GRXCR2: variants seen among roughly 807,000 people sequenced by gnomAD.
The protein encoded by GRXCR2 is glutaredoxin domain-containing cysteine-rich protein 2.
In GRXCR2, 23 loss-of-function variants were observed where a neutral mutation model predicts 24.8. The observed-to-expected ratio is 0.93, with a 90% CI of 0.67 to 1.32. The LOEUF (loss-of-function observed/expected upper bound fraction) is 1.32, where lower values mean the gene tolerates loss of function less well. Among genes scored for constraint, GRXCR2 ranks in the 40% most tolerant of loss-of-function variants. The pLI is 0.00. For synonymous variants in GRXCR2, 130 were observed against 116.1 expected, an observed-to-expected ratio of 1.12 and a Z score of -0.77; for missense variants, 315 against 303.4, an observed-to-expected ratio of 1.04 and a Z score of -0.28.
chr5:145,876,682 C>A (rs1438368051), upstream of GRXCR2, among the ~76,000 whole-genome samples: 2 of 152,098 alleles, frequency 1.3e-5, no homozygotes, highest in Non-Finnish European at 2.9e-5. Flanking sequence ...TTCTTCAACA[C>A]TTTTTTATGC....
chr5:145,878,843 G>T (rs1006453028), intron 2 of GRXCR2, among the ~76,000 whole-genome samples: 1 of 152,186 alleles, frequency 6.6e-6, no homozygotes, highest in Non-Finnish European at 1.5e-5. Flanking sequence ...ACAAACAGTG[G>T]ATCTCTTGGC....
intron 2 of GRXCR2, among the ~76,000 whole-genome samples, chr5:145,921,798 AACCAAG>A (rs1410081326): frequency 2.0e-5 from 3 of 152,298 alleles, no homozygotes; most frequent in Middle Eastern, 3.4e-3. Flanking sequence ...ACATCTCTAA[AACCAAG>A]TAGCAAAGGA....
chr5:145,872,393 T>G (rs1756546058), intron 1 of GRXCR2, among the ~76,000 whole-genome samples: 1 of 152,238 alleles, frequency 6.6e-6, no homozygotes, highest in Non-Finnish European at 1.5e-5. Context: ...TACAATGTAT[T>G]ACCTTGGATG....
chr5:145,894,985 G>C (rs1020151403), intron 2 of GRXCR2, among the ~76,000 whole-genome samples: 1 of 151,986 alleles, frequency 6.6e-6, no homozygotes, highest in Admixed American at 6.6e-5. Flanking sequence ...TTCAACATAC[G>C]CAAATCAATA....
Position 145,872,741 on chromosome 5 carries a change from G to C in GRXCR2, c.228C>G (p.Cys76Trp). 1.2e-6 allele frequency: 2 copies of C among 1,613,690 alleles called. No homozygotes were observed. Among genetic ancestry groups the C allele is most frequent in the Non-Finnish European group, 1.7e-6 (2 of 1,179,578 alleles). Reference sequence around the variant, plus strand: ...TCCTCTGAGCAGTCAGCTTAGGGGAGCACATCTGGGGCCTGGGGACTTCCC... The same window carrying C: ...TCCTCTGAGCAGTCAGCTTAGGGGACCACATCTGGGGCCTGGGGACTTCCC... ...GSGEVPRPQM[C>W]SPKLTAQRIS... The change falls in exon 1 of 3, where the codon TGC becomes TGG. Residue 76 changes from cysteine (C) to tryptophan (W), a missense_variant. Coordinates refer to ENST00000377976, the MANE Select transcript of GRXCR2 (RefSeq NM_001080516.2).
At chr5:145,901,414 T>C (rs1197547830) in intron 2 of GRXCR2, among the ~76,000 whole-genome samples, 1 of 152,242 alleles carries the variant, frequency 6.6e-6, no homozygotes, top group Non-Finnish European at 1.5e-5. Flanking sequence ...TTCATTTATT[T>C]ATACTTTTAG....
At chr5:145,898,966 A>C (rs1226837269) in intron 2 of GRXCR2, among the ~76,000 whole-genome samples, 1 of 152,178 alleles carries the variant, frequency 6.6e-6, no homozygotes, top group Non-Finnish European at 1.5e-5. Flanking sequence ...ACAGAAAGTC[A>C]AATTATCTCT....
rs1756556852 is a variant in GRXCR2 at position 145,872,867 on chromosome 5, C to T, written c.102G>A (p.Gln34=). Residue 34 remains glutamine, a synonymous_variant, in exon 1 of 3, where the codon CAG becomes CAA. Coordinates refer to ENST00000377976, the MANE Select transcript of GRXCR2 (RefSeq NM_001080516.2). ...SSSYSGRVLK[Q]VFEDGQELES... ...CTAATTCCTGCCCATCCTCAAAGAC[C>T]TGCTTCAATACTCGACCGCTGTAGG... 6.2e-7 allele frequency: 1 copy of T among 1,614,112 alleles called. No homozygotes were observed. The highest frequency in any genetic ancestry group is 8.5e-7 in the Non-Finnish European group (1 of 1,179,988).
chr5:145,890,383 C>T (rs1238861991), intron 2 of GRXCR2, among the ~76,000 whole-genome samples: 1 of 152,138 alleles, frequency 6.6e-6, no homozygotes, highest in Non-Finnish European at 1.5e-5. Flanking sequence ...AGCCACTGCA[C>T]CTGGCAGGAA....
At chr5:145,871,775 G>C (rs1756535187) in intron 1 of GRXCR2, among the ~76,000 whole-genome samples, 1 of 152,088 alleles carries the variant, frequency 6.6e-6, no homozygotes, top group Admixed American at 6.5e-5. Flanking sequence ...GTAATTATCT[G>C]GCTTTCACAC....
intron 2 of GRXCR2, among the ~76,000 whole-genome samples, chr5:145,920,459 A>G (rs1259817870): frequency 2.6e-5 from 4 of 152,184 alleles, no homozygotes; most frequent in African/African-American, 9.7e-5. Context: ...AAGGTATGGA[A>G]ATTATTGGGC....
chr5:145,894,757 G>A (rs533867939), intron 2 of GRXCR2, among the ~76,000 whole-genome samples: 1 of 152,134 alleles, frequency 6.6e-6, no homozygotes, highest in African/African-American at 2.4e-5. Flanking sequence ...AATAGAAAAA[G>A]AGGGAATCCT....
At chr5:145,891,024 A>G (rs1756856253) in intron 2 of GRXCR2, among the ~76,000 whole-genome samples, 1 of 152,216 alleles carries the variant, frequency 6.6e-6, no homozygotes, top group African/African-American at 2.4e-5. Context: ...AAAACAGGAC[A>G]ATGGGTAAAT....
intron 2 of GRXCR2, among the ~76,000 whole-genome samples, chr5:145,920,784 T>C (rs1443561603): frequency 2.0e-5 from 3 of 152,242 alleles, no homozygotes; most frequent in African/African-American, 7.2e-5. Flanking sequence ...TATGTAGCAA[T>C]ACTAACCCCC....
intron 2 of GRXCR2, among the ~76,000 whole-genome samples, chr5:145,860,594 A>G (rs1756319244): frequency 6.6e-6 from 1 of 152,156 alleles, no homozygotes; most frequent in South Asian, 2.1e-4. Context: ...TGAATCGATA[A>G]ATGTTACAAT....
chr5:145,892,245 C>G (rs548206409), intron 2 of GRXCR2, among the ~76,000 whole-genome samples: 3 of 152,168 alleles, frequency 2.0e-5, no homozygotes, highest in African/African-American at 7.2e-5. Context: ...TCCAAAGGAA[C>G]GCAGCTCCTC....
chr5:145,921,876 T>C (rs1241577991), intron 2 of GRXCR2, among the ~76,000 whole-genome samples: 1 of 152,212 alleles, frequency 6.6e-6, no homozygotes, highest in Non-Finnish European at 1.5e-5. Flanking sequence ...GTAGATTTTA[T>C]TTTTTTAAAT....
At chr5:145,894,028 T>A (rs1756910702) in intron 2 of GRXCR2, among the ~76,000 whole-genome samples, 1 of 152,210 alleles carries the variant, frequency 6.6e-6, no homozygotes, top group Non-Finnish European at 1.5e-5. Context: ...TGCTCCTGAA[T>A]GACCACTGGG....
intron 2 of GRXCR2, among the ~76,000 whole-genome samples, chr5:145,919,531 T>C (rs991482779): frequency 7.2e-5 from 11 of 152,188 alleles, no homozygotes; most frequent in Non-Finnish European, 1.6e-4. Context: ...TGCAAGGGTT[T>C]GCAGATCCAG....
Sources: allele counts gnomAD v4.1 joint callset (sites outside exome capture counted in the v4.1 genomes callset), GRCh38; gene constraint gnomAD v4.1.1; transcripts MANE v1.5; gene names NCBI Gene and HGNC (gene_info 2026-07-23, HGNC 2026-07-21).